The following RTF1 variants were observed in gnomAD, a reference collection of about 807,000 sequenced individuals.
The protein encoded by RTF1 is RTF1 homolog, Paf1/RNA polymerase II complex component.
In RTF1, 10 loss-of-function variants were observed where a neutral mutation model predicts 95.7. The ratio of observed to expected loss-of-function variants is 0.10; its 90% CI spans 0.06 to 0.18. The LOEUF (loss-of-function observed/expected upper bound fraction) is 0.18. Ranked by LOEUF, RTF1 falls within the 10% of genes least tolerant of loss-of-function variation. The pLI, the probability that RTF1 is intolerant of heterozygous loss-of-function variation, is 1.00. For missense variants in RTF1, 458 were observed against 875.6 expected, an observed-to-expected ratio of 0.52 and a Z score of 6.02; for synonymous variants, 305 against 311.8, an observed-to-expected ratio of 0.98 and a Z score of 0.23.
intron 1 of RTF1, among the ~76,000 whole-genome samples, chr15:41,423,212 C>T (rs759683436): frequency 1.3e-5 from 2 of 152,064 alleles, no homozygotes; most frequent in African/African-American, 2.4e-5. Context: ...TAGTGTTTTC[C>T]GCATTAATCA....
intron 1 of RTF1, among the ~76,000 whole-genome samples, chr15:41,431,507 G>A (rs1336608123): frequency 3.3e-5 from 5 of 151,936 alleles, no homozygotes; most frequent in South Asian, 4.1e-4. Flanking sequence ...GAACCACCGC[G>A]CCCGACTGGG....
At chr15:41,440,192 T>C (rs567518243) in intron 2 of RTF1, 18 of 149,038 alleles carry the variant, frequency 1.2e-4, no homozygotes, top group Admixed American at 7.3e-4. Context: ...TTCTTTCTTT[T>C]TTTTTTTTTT....
intron 14 of RTF1, among the ~76,000 whole-genome samples, chr15:41,477,912 C>G (rs111798080): frequency 6.6e-6 from 1 of 151,504 alleles, no homozygotes; most frequent in African/African-American, 2.4e-5. Flanking sequence ...TTGAAACCAG[C>G]CTGGCCAGCA....
rs569414495 is a variant in RTF1 at position 41,446,568 on chromosome 15, A to G, written c.310-6333A>G. Among the ~76,000 whole-genome samples, 11 of 116,012 alleles carry G rather than the reference A, an allele frequency of 9.5e-5. No homozygotes were observed. In the East Asian group the frequency reaches 2.2e-3, roughly 23 times the overall value. The allele number at this position is 116,012 out of a possible 152,430, so 76.1% of individuals were successfully genotyped here. On this transcript the variant is annotated intron_variant, in intron 2 of 17. Coordinates refer to ENST00000389629, the MANE Select transcript of RTF1 (RefSeq NM_015138.5). ...GCAAGACTCCGTCTCAAAAAAAAAA[A>G]ATTATTTTCATAAAATAGTACCTCA...
At chr15:41,431,935 G>A (rs1280367347) in intron 1 of RTF1, among the ~76,000 whole-genome samples, 1 of 151,958 alleles carries the variant, frequency 6.6e-6, no homozygotes, top group African/African-American at 2.4e-5. Flanking sequence ...CGAGTAGCTA[G>A]ACTACAGGTG....
intron 1 of RTF1, among the ~76,000 whole-genome samples, chr15:41,431,578 C>T (rs138435139): frequency 1.3e-5 from 2 of 152,186 alleles, no homozygotes; most frequent in East Asian, 1.9e-4. Flanking sequence ...TGGTTCACTG[C>T]ACTCTCAACC....
rs1234535064 is a variant in RTF1 at position 41,481,511 on chromosome 15, A to G, written c.*824A>G. On this transcript the variant is annotated 3_prime_UTR_variant, in exon 18 of 18. Transcript: ENST00000389629. ...CACCTACTCTTCCCATCCTTTCCCA[A>G]CTTTGGAGAAAACTCCCCAGTTTAG... 2.0e-5 allele frequency: 3 copies of G among 152,196 alleles called. No individual in the cohort carries two copies. Among genetic ancestry groups the G allele is most frequent in the Admixed American group, 1.3e-4 (2 of 15,236 alleles). The allele number at this position is 152,196 out of a possible 1,614,324, so 9.4% of individuals were successfully genotyped here.
At chr15:41,448,902 T>C in intron 2 of RTF1, 1 of 151,934 alleles carries the variant, frequency 6.6e-6, no homozygotes. Flanking sequence ...TTTATTTATT[T>C]GAGATCAGCT....
At chr15:41,439,901 C>T (rs1009690793) in intron 2 of RTF1, among the ~76,000 whole-genome samples, 1 of 152,104 alleles carries the variant, frequency 6.6e-6, no homozygotes, top group Non-Finnish European at 1.5e-5. Context: ...ATCCACCTGC[C>T]TTGGCCTCCC....
intron 1 of RTF1, among the ~76,000 whole-genome samples, chr15:41,434,162 T>A (rs1197141832): frequency 4.3e-5 from 6 of 139,468 alleles, no homozygotes; most frequent in Non-Finnish European, 9.4e-5. Context: ...TTTTTTTTTT[T>A]AAGTAAAGAT....
At chr15:41,453,153 C>T (rs1044251644) in intron 3 of RTF1, 105 bp downstream of exon 3, 11 of 904,042 alleles carry the variant, frequency 1.2e-5, no homozygotes, top group Non-Finnish European at 1.8e-5. Flanking sequence ...TTCAGCATGA[C>T]CTCTTCTTTA....
chr15:41,477,974 T>C (rs1040669734), intron 14 of RTF1, among the ~76,000 whole-genome samples: 1 of 149,778 alleles, frequency 6.7e-6, no homozygotes, highest in Non-Finnish European at 1.5e-5. Context: ...GACATGGTGG[T>C]GCACGCCTGT....
At chr15:41,441,334 C>A (rs968762561) in intron 2 of RTF1, among the ~76,000 whole-genome samples, 3 of 152,108 alleles carry the variant, frequency 2.0e-5, no homozygotes, top group Admixed American at 1.3e-4. Context: ...TGCTGTGGTC[C>A]ACCCTTGCCA....
intron 4 of RTF1, among the ~76,000 whole-genome samples, chr15:41,462,919 A>G (rs1022434347): frequency 6.6e-6 from 1 of 151,992 alleles, no homozygotes; most frequent in Non-Finnish European, 1.5e-5. Context: ...CCACCTGGCC[A>G]ATTTTTTAAA....
intron 1 of RTF1, among the ~76,000 whole-genome samples, chr15:41,423,670 T>C (rs952204944): frequency 1.3e-5 from 2 of 152,038 alleles, no homozygotes; most frequent in African/African-American, 4.8e-5. Flanking sequence ...CGCCCAGCCC[T>C]GGGAGCTTTA....
chr15:41,475,611 C>T lies in RTF1; in HGVS notation c.1373C>T (p.Ala458Val), dbSNP rs959006961. The T allele has an allele frequency of 1.2e-6, 2 of 1,613,258 alleles. No homozygotes were observed. The highest frequency in any genetic ancestry group is 1.7e-6 in the Non-Finnish European group (2 of 1,179,328). Residue 458 changes from alanine (A) to valine (V), a missense_variant and splice_region_variant, in exon 10 of 18, where the codon GCG becomes GTG. Physicochemically the swap from Ala to Val is moderately conservative, Grantham distance 64. Transcript: ENST00000389629. The part of the protein sequence containing the change: ...TESEFMKWKE[A>V]MFSAGMQLPT... ...AGTGAGTTTATGAAGTGGAAAGAAG[C>T]GGTACGTGGCTAGAGATTACCTAGC...
chr15:41,426,317 T>TA lies in RTF1; in HGVS notation c.198+9004_198+9005insA, dbSNP rs1474232629. On this transcript the variant is annotated intron_variant, in intron 1 of 17. Coordinates refer to ENST00000389629, the MANE Select transcript of RTF1 (RefSeq NM_015138.5). ...TTTTTTGATTGTTTGTTTTTATTTT[T>TA]TTTTTTGGGATAGAGTCTCGCTCTG... Among the ~76,000 whole-genome samples, 7 of 151,532 alleles carry TA rather than the reference T, an allele frequency of 4.6e-5. No individual in the cohort carries two copies. The East Asian group carries it at 9.8e-4, about 21-fold the overall frequency.
intron 1 of RTF1, among the ~76,000 whole-genome samples, chr15:41,432,099 A>G (rs1473513057): frequency 6.7e-6 from 1 of 148,998 alleles, no homozygotes; most frequent in Non-Finnish European, 1.5e-5. Flanking sequence ...GTGCCTGGCC[A>G]TACTATTGTT....
chr15:41,461,910 AT>A (rs900842467), intron 4 of RTF1, among the ~76,000 whole-genome samples: 34 of 142,468 alleles, frequency 2.4e-4, no homozygotes, highest in Admixed American at 1.3e-3. Context: ...TGGCCCTGTA[AT>A]TTTTTTTTCT....
Sources: gnomAD v4.1 joint callset for allele counts (sites outside exome capture counted in the v4.1 genomes callset) on GRCh38, gnomAD v4.1.1 for gene constraint, MANE v1.5 for transcripts, NCBI Gene and HGNC (gene_info 2026-07-23, HGNC 2026-07-21) for gene names.